The following PDE11A variants were observed in gnomAD, a reference collection of about 807,000 sequenced individuals.
PDE11A encodes phosphodiesterase 11A.
Under a neutral mutation model 100.5 loss-of-function variants are expected in PDE11A, and 100 were observed. The ratio of observed to expected loss-of-function variants is 1.00; its 90% confidence interval spans 0.85 to 1.18. The LOEUF (loss-of-function observed/expected upper bound fraction) is 1.18. Ranked by LOEUF, PDE11A falls within the 50% of genes most tolerant of loss-of-function variation. PDE11A has a pLI of 0.00. For missense variants in PDE11A, 1,141 were observed against 1,152.6 expected (o/e 0.99, Z 0.15); for synonymous variants, 381 against 420.8 (o/e 0.91, Z 1.16).
rs1240427712 is a variant in PDE11A at position 177,824,708 on chromosome 2, T to G, written c.1501-4413A>C. Among the ~76,000 whole-genome samples the G allele has an allele frequency of 4.6e-5, 7 of 152,214 alleles. No homozygotes were observed. The East Asian group carries it at 1.3e-3, about 29-fold the overall frequency. On this transcript the variant is annotated intron_variant, in intron 6 of 19. Transcript: ENST00000286063. ...ATCTTAGTGATTTATTAGAATAACA[T>G]GAATATTCAACTGAAGGCAGTTGGT... is the stretch of plus-strand genomic sequence containing the variant.
intron 4 of PDE11A, among the ~76,000 whole-genome samples, chr2:177,885,035 G>T (rs990065627): frequency 3.9e-5 from 6 of 152,050 alleles, no homozygotes; most frequent in Admixed American, 3.9e-4. Flanking sequence ...GGACAGTGGG[G>T]TTAGGGGTTC....
At chr2:177,924,879 CT>C in intron 2 of PDE11A, among the ~76,000 whole-genome samples, 1 of 144,322 alleles carries the variant, frequency 6.9e-6, no homozygotes. Context: ...TCCCTCCCCC[CT>C]CCCCCTACCC....
At chr2:178,081,934 C>T (rs983764366) in intron 2 of PDE11A, among the ~76,000 whole-genome samples, 2 of 152,216 alleles carry the variant, frequency 1.3e-5, no homozygotes, top group Non-Finnish European at 2.9e-5. Context: ...CCCAGTACTT[C>T]GTAGGTTGGC....
intron 10 of PDE11A, among the ~76,000 whole-genome samples, chr2:177,751,806 AT>A: frequency 1.3e-5 from 2 of 152,368 alleles, no homozygotes; most frequent in Middle Eastern, 6.8e-3. Context: ...AGAAACAGGC[AT>A]TTAATATTTA....
In PDE11A at chr2:177,926,736, A is replaced by G. The variant is rs780176844; in HGVS notation, c.1072-21549T>C. Reference sequence around the variant, plus strand: ...TACAGATAATATTTTATTTATTATTATCTACATTTCCTGGTTTTTTTTCCT... The same window carrying G: ...TACAGATAATATTTTATTTATTATTGTCTACATTTCCTGGTTTTTTTTCCT... On this transcript the variant is annotated intron_variant, in intron 2 of 19. Coordinates refer to ENST00000286063, the MANE Select transcript of PDE11A (RefSeq NM_016953.4). 1.3e-4 allele frequency among the ~76,000 whole-genome samples: 19 copies of G among 151,720 alleles called. 1 individual carries two copies. Among genetic ancestry groups the G allele is most frequent in the Non-Finnish European group, 2.1e-4 (14 of 67,842 alleles).
chr2:177,648,121 G>C (rs78769835), intron 19 of PDE11A, among the ~76,000 whole-genome samples: 3,982 of 152,046 alleles, frequency 0.026, 153 homozygotes, highest in African/African-American at 0.09. Flanking sequence ...CCAAAAAAGA[G>C]TGACAATTTT....
At chr2:177,730,267 C>T (rs991346467) in intron 10 of PDE11A, among the ~76,000 whole-genome samples, 4 of 152,108 alleles carry the variant, frequency 2.6e-5, no homozygotes, top group Admixed American at 1.3e-4. Context: ...TGATGTTCCC[C>T]GCCCTGTGTT....
At chr2:177,713,053 G>T (rs940453125) in intron 12 of PDE11A, among the ~76,000 whole-genome samples, 2 of 151,972 alleles carry the variant, frequency 1.3e-5, no homozygotes, top group Non-Finnish European at 2.9e-5. Context: ...CTATCACCCA[G>T]GCTGGAGTGC....
At position 177,624,331 on chromosome 2, in the gene PDE11A, C is replaced by G. The variant is rs1232697322; in HGVS notation, c.*5076G>C. 2 of 149,952 alleles carry G rather than the reference C, an allele frequency of 1.3e-5. No individual in the cohort carries two copies. Among genetic ancestry groups the G allele is most frequent in the African/African-American group, 4.9e-5 (2 of 40,836 alleles). The allele number at this position is 149,952 out of a possible 1,614,324, so 9.3% of individuals were successfully genotyped here. A position where few individuals can be genotyped will look rare whatever the true frequency, so the allele number is the denominator to read the frequency against. Reference sequence around the variant, plus strand: ...TTCCCTAGTATGTCTAGGTTTCTGTCCCACTGGAAGGAAATTGTTTCACAC... The same window carrying G: ...TTCCCTAGTATGTCTAGGTTTCTGTGCCACTGGAAGGAAATTGTTTCACAC... On this transcript the variant is annotated 3_prime_UTR_variant, in exon 20 of 20. Transcript: ENST00000286063.
At chr2:177,904,963 T>C (rs2084758179) in intron 3 of PDE11A, 135 bp downstream of exon 3, 1 of 691,730 alleles carries the variant, frequency 1.4e-6, no homozygotes, top group Non-Finnish European at 2.6e-6. Flanking sequence ...ACCACAGCCT[T>C]GCAGAATTAT....
At chr2:177,720,827 AC>A (rs1463097785) in intron 12 of PDE11A, among the ~76,000 whole-genome samples, 1 of 152,114 alleles carries the variant, frequency 6.6e-6, no homozygotes, top group African/African-American at 2.4e-5. Context: ...AGTTGGAAAA[AC>A]CTTACAGTCT....
intron 1 of PDE11A, among the ~76,000 whole-genome samples, chr2:178,064,793 T>TA (rs903464557): frequency 5.3e-5 from 8 of 151,352 alleles, no homozygotes; most frequent in Admixed American, 4.6e-4. Context: ...ATCTTGTCTC[T>TA]AAAAAAAAGA....
intron 5 of PDE11A, among the ~76,000 whole-genome samples, chr2:177,850,609 T>C (rs2083684087): frequency 6.6e-6 from 1 of 152,020 alleles, no homozygotes; most frequent in Non-Finnish European, 1.5e-5. Flanking sequence ...ACCTACAGAA[T>C]GGGAGAAAAT....
chr2:178,075,551 C>CAAA (rs397756518), upstream of PDE11A, among the ~76,000 whole-genome samples: 142 of 47,436 alleles, frequency 3.0e-3, no homozygotes, highest in Middle Eastern at 0.012. Flanking sequence ...GACTCTGTCT[C>CAAA]AAAAAAAAAA....
intron 2 of PDE11A, among the ~76,000 whole-genome samples, chr2:178,004,250 A>G (rs1258675606): frequency 6.6e-6 from 1 of 152,044 alleles, no homozygotes; most frequent in Non-Finnish European, 1.5e-5. Flanking sequence ...TTACTTTTAA[A>G]ATTAGGAAAT....
At chr2:177,895,096 G>A (rs1313464142) in intron 4 of PDE11A, among the ~76,000 whole-genome samples, 2 of 151,490 alleles carry the variant, frequency 1.3e-5, no homozygotes, top group African/African-American at 4.8e-5. Context: ...TAACAAACTT[G>A]CACATGTATA....
At chr2:177,737,449 A>ACACACACACACACACACAC (rs55844103) in intron 10 of PDE11A, among the ~76,000 whole-genome samples, 66 of 148,076 alleles carry the variant, frequency 4.5e-4, no homozygotes, top group Middle Eastern at 3.4e-3. Flanking sequence ...ACACACACAC[A>ACACACACACACACACACAC]AATTAGCCAG....
chr2:177,761,193 A>G (rs751725707), intron 10 of PDE11A, among the ~76,000 whole-genome samples: 6 of 152,172 alleles, frequency 3.9e-5, no homozygotes, highest in Non-Finnish European at 7.4e-5. Flanking sequence ...CACACTCCAA[A>G]GAGGATAGGA....
intron 1 of PDE11A, among the ~76,000 whole-genome samples, chr2:178,020,077 AAATG>A (rs1446329564): frequency 2.6e-5 from 4 of 152,208 alleles, no homozygotes; most frequent in Non-Finnish European, 5.9e-5. Flanking sequence ...CCACTGTCCT[AAATG>A]ATAAAGACTT....
Sources: gnomAD v4.1 joint callset for allele counts (sites outside exome capture counted in the v4.1 genomes callset) on GRCh38, gnomAD v4.1.1 for gene constraint, MANE v1.5 for transcripts, NCBI Gene and HGNC (gene_info 2026-07-23, HGNC 2026-07-21) for gene names.